The following OASL variants were observed in gnomAD, a reference collection of about 807,000 sequenced individuals.
The protein encoded by OASL is 2'-5'-oligoadenylate synthetase like.
A neutral mutation model predicts 35.3 loss-of-function variants in OASL; 28 were observed. That is an observed-to-expected ratio of 0.79 (90% confidence interval 0.59 to 1.09). The LOEUF (loss-of-function observed/expected upper bound fraction) is 1.09, where lower values mean the gene tolerates loss of function less well. OASL is among the 50% of genes least tolerant of loss of function. The probability of loss-of-function intolerance (pLI) is 0.00; values close to 1 mark genes in which losing one functional copy is unlikely to be tolerated. For missense variants in OASL, 620 were observed against 635.2 expected, an observed-to-expected ratio of 0.98 and a Z score of 0.26; for synonymous variants, 252 against 254.6, an observed-to-expected ratio of 0.99 and a Z score of 0.10.
chr12:121,023,894 G>T, intron 5 of OASL, 96 bp downstream of exon 5: 1 of 1,457,662 alleles, frequency 6.9e-7, no homozygotes, highest in Non-Finnish European at 9.4e-7. Flanking sequence ...CTAAAGTTCT[G>T]TTCTCCATCA....
At chr12:121,029,581 G>T (rs556568932) in intron 3 of OASL, among the ~76,000 whole-genome samples, 1 of 151,998 alleles carries the variant, frequency 6.6e-6, no homozygotes, top group African/African-American at 2.4e-5. Flanking sequence ...CCAGCTACTC[G>T]GGAGGTTGAG....
chr12:121,028,626 G>T (rs187119098), intron 3 of OASL, among the ~76,000 whole-genome samples: 1 of 65,130 alleles, frequency 1.5e-5, no homozygotes, highest in Non-Finnish European at 3.4e-5. Context: ...CGCCCCCCCC[G>T]CCCGCCCCCC....
rs1047415721 is a variant in OASL, at chr12:121,039,040, C to A, written c.-69G>T. 25 of 1,350,192 alleles carry A rather than the reference C, an allele frequency of 1.9e-5. No homozygotes were observed. In the Admixed American group the frequency reaches 3.5e-4, roughly 19 times the overall value. 83.6% of individuals were successfully genotyped at this position (1,350,192 alleles called of 1,614,324 possible). A position where few individuals can be genotyped will look rare whatever the true frequency, so the allele number is the denominator to read the frequency against. On this transcript the variant is annotated 5_prime_UTR_variant, in exon 1 of 6. Coordinates refer to ENST00000257570, the Ensembl canonical transcript of OASL. ...CTCCTACCCAGCTCCCTGGCACACA[C>A]CTCCTTTTTTAAGGTAGCTCCTCCT... is the stretch of plus-strand genomic sequence containing the variant.
exon 6 of OASL, chr12:121,020,569 C>A: frequency 6.2e-7 from 1 of 1,600,612 alleles, no homozygotes; most frequent in Non-Finnish European, 8.5e-7. Context: ...AACTAACTGG[C>A]TGGAAACAGA....
chr12:121,027,495 C>G lies in OASL; in HGVS notation c.899+81G>C, dbSNP rs1406936601. 22 of 1,581,596 alleles carry G rather than the reference C, an allele frequency of 1.4e-5. No individual in the cohort carries two copies. The South Asian group carries it at 2.3e-4, about 17-fold the overall frequency. ...AGCCTTACTGCTTAATACAGCCAAT[C>G]CATAAAACTCTATGCCACGTTACAC... On this transcript the variant is annotated intron_variant, in intron 4 of 5. Coordinates refer to ENST00000257570, the Ensembl canonical transcript of OASL.
Position 121,027,425 on chromosome 12 carries a change from T to C in OASL, c.899+151A>G. The C allele has an allele frequency of 2.5e-6, 3 of 1,187,394 alleles. No individual in the cohort carries two copies. In the East Asian group the frequency reaches 7.3e-5, roughly 29 times the overall value. 73.6% of individuals were successfully genotyped at this position (1,187,394 alleles called of 1,614,324 possible). A position where few individuals can be genotyped will look rare whatever the true frequency, so the allele number is the denominator to read the frequency against. ...ACTTTGATAAGCCACCAACTTGAGA[T>C]GCCAGCTGTGTTGGTGTGGGAGGTC... On this transcript the variant is annotated intron_variant, in intron 4 of 5. Coordinates refer to ENST00000257570, the Ensembl canonical transcript of OASL.
At position 121,039,220 on chromosome 12, in the gene OASL, T is replaced by A; in HGVS notation, c.-249A>T. The A allele has an allele frequency of 3.8e-6, 2 of 531,262 alleles. No individual in the cohort carries two copies. The highest frequency in any genetic ancestry group is 3.4e-6 in the Non-Finnish European group (1 of 293,728). The allele number at this position is 531,262 out of a possible 1,614,324, so 32.9% of individuals were successfully genotyped here. A position where few individuals can be genotyped will look rare whatever the true frequency, so the allele number is the denominator to read the frequency against. ...TGAGGCTGGAATATCTGGGGCCACC[T>A]TAACAGGCTGGCCGTCTAGTCAATC... is the stretch of plus-strand genomic sequence containing the variant. On this transcript the variant is annotated 5_prime_UTR_variant, in exon 1 of 6. It adds an upstream start codon to the 5' untranslated region. Coordinates refer to ENST00000257570, the Ensembl canonical transcript of OASL.
At chr12:121,038,745 G>C in intron 1 of OASL, 29 bp downstream of exon 1, 2 of 1,610,454 alleles carry the variant, frequency 1.2e-6, no homozygotes, top group Non-Finnish European at 1.7e-6. Flanking sequence ...GTTTTGTCTT[G>C]CGTGGGGGCT....
At chr12:121,037,409 G>T (rs1869996021) in intron 1 of OASL, among the ~76,000 whole-genome samples, 1 of 152,046 alleles carries the variant, frequency 6.6e-6, no homozygotes, top group Non-Finnish European at 1.5e-5. Context: ...TGGGTCCCTT[G>T]AGTCAAGTTC....
intron 1 of OASL, among the ~76,000 whole-genome samples, chr12:121,038,205 T>A (rs1029715861): frequency 6.6e-6 from 1 of 152,232 alleles, no homozygotes; most frequent in Non-Finnish European, 1.5e-5. Context: ...CCTGGCTACA[T>A]GTGCTTAATC....
exon 3 of OASL, chr12:121,031,478 C>G (rs1869727313): frequency 6.2e-7 from 1 of 1,613,852 alleles, no homozygotes; most frequent in African/African-American, 1.3e-5. Context: ...GCAGGAGGCT[C>G]TTCAGCTTAG....
intron 1 of OASL, among the ~76,000 whole-genome samples, chr12:121,035,744 C>T (rs952039900): frequency 1.3e-5 from 2 of 152,076 alleles, no homozygotes; most frequent in African/African-American, 2.4e-5. Context: ...TGAGCCAGGC[C>T]CTGCTTCCAA....
chr12:121,020,702 C>T (rs370542419), exon 6 of OASL: 172 of 1,614,060 alleles, frequency 1.1e-4, no homozygotes, highest in Non-Finnish European at 1.4e-4. Context: ...TTTTAGGAAG[C>T]CCCTGCTGGT....
chr12:121,020,701 G>T, exon 6 of OASL: 1 of 1,614,194 alleles, frequency 6.2e-7, no homozygotes, highest in Non-Finnish European at 8.5e-7. Flanking sequence ...TTTTTAGGAA[G>T]CCCCTGCTGG....
At chr12:121,024,209 G>C (rs779941136) in intron 4 of OASL, 72 bp from the exon 5 acceptor site, 52 of 1,531,916 alleles carry the variant, frequency 3.4e-5, no homozygotes, top group Non-Finnish European at 2.2e-5. Flanking sequence ...AAACCTTCTC[G>C]GCAATTATTT....
At chr12:121,025,034 A>G (rs915262224) in intron 4 of OASL, among the ~76,000 whole-genome samples, 9 of 125,556 alleles carry the variant, frequency 7.2e-5, no homozygotes, top group Non-Finnish European at 1.2e-4. Flanking sequence ...GCTGAAGGGC[A>G]GTGGTGCAAT....
At chr12:121,022,085 CTTTTTTT>C (rs66924657) in intron 5 of OASL, among the ~76,000 whole-genome samples, 12 of 108,032 alleles carry the variant, frequency 1.1e-4, no homozygotes, top group Middle Eastern at 6.6e-3. Context: ...AAGTTTTGTT[CTTTTTTT>C]TTTTTTTTTT....
At chr12:121,034,803 C>T (rs1869884999) in intron 1 of OASL, among the ~76,000 whole-genome samples, 1 of 152,140 alleles carries the variant, frequency 6.6e-6, no homozygotes, top group Admixed American at 6.6e-5. Context: ...TGGTGGGGTG[C>T]CTGGCACACA....
At chr12:121,023,845 G>T in intron 5 of OASL, 145 bp downstream of exon 5, 1 of 865,972 alleles carries the variant, frequency 1.2e-6, no homozygotes, top group Non-Finnish European at 1.7e-6. Context: ...CAAGTTCACG[G>T]AGCCCATGGG....
Sources: allele counts gnomAD v4.1 joint callset (sites outside exome capture counted in the v4.1 genomes callset), GRCh38; gene constraint gnomAD v4.1.1; transcripts MANE v1.5; gene names NCBI Gene and HGNC (gene_info 2026-07-23, HGNC 2026-07-21).